Variants in EPB41 observed in about 807,000 individuals in gnomAD.
EPB41 encodes the protein protein 4.1.
A neutral mutation model predicts 108.0 loss-of-function variants in EPB41; 65 were observed. The observed-to-expected ratio is 0.60, with a 90% CI of 0.49 to 0.74. EPB41 has a LOEUF of 0.74. Among genes scored for constraint, EPB41 ranks in the 30% least tolerant of loss-of-function variants. The pLI is 0.00. For synonymous variants in EPB41, 336 were observed against 358.9 expected (o/e 0.94, Z 0.72); for missense variants, 875 against 1,037.0 (o/e 0.84, Z 2.15).
intron 11 of EPB41, among the ~76,000 whole-genome samples, chr1:29,043,598 A>G (rs1245715803): frequency 6.6e-6 from 1 of 152,196 alleles, no homozygotes; most frequent in Non-Finnish European, 1.5e-5. Flanking sequence ...GATTCCAGAA[A>G]ATGAAGGGGC....
intron 1 of EPB41, among the ~76,000 whole-genome samples, chr1:28,979,290 A>G (rs891638030): frequency 6.6e-6 from 1 of 151,640 alleles, no homozygotes; most frequent in Non-Finnish European, 1.5e-5. Flanking sequence ...AATGGACCAC[A>G]TATACTTACA....
chr1:29,060,930 C>T (rs1258345952), intron 15 of EPB41, among the ~76,000 whole-genome samples: 1 of 151,844 alleles, frequency 6.6e-6, no homozygotes, highest in African/African-American at 2.4e-5. Context: ...AGAAAAATGA[C>T]AGAAGAACTG....
At chr1:28,954,053 G>C (rs1393741299) in intron 1 of EPB41, among the ~76,000 whole-genome samples, 1 of 152,230 alleles carries the variant, frequency 6.6e-6, no homozygotes, top group East Asian at 1.9e-4. Flanking sequence ...ATGCCAGTCA[G>C]AGGCCTCTGC....
Position 29,035,915 on chromosome 1 carries a change from G to A in EPB41, c.1455G>A (p.Thr485=), listed in dbSNP as rs1181412678. ...GGAAAGTCTGTGTAGAACATCACAC[G>A]TTTTTCAGGTATTATTCTCACTTAA... ...KLWKVCVEHH[T]FFRLTSTDTI... The change falls in exon 10 of 21, where the codon ACG becomes ACA. Residue 485 remains threonine, a synonymous_variant. Transcript: ENST00000343067. The A allele has an allele frequency of 8.1e-6, 13 of 1,607,566 alleles. No homozygotes were observed. Among genetic ancestry groups the A allele is most frequent in the South Asian group, 1.1e-5 (1 of 90,938 alleles).
intron 1 of EPB41, chr1:28,893,928 G>GC (rs2090397095): frequency 1.3e-5 from 2 of 152,366 alleles, no homozygotes; most frequent in South Asian, 2.1e-4. Flanking sequence ...GTAAAGAGAG[G>GC]CCCGGGGGTA....
At chr1:28,959,487 G>T (rs1321782610) in intron 1 of EPB41, among the ~76,000 whole-genome samples, 1 of 152,024 alleles carries the variant, frequency 6.6e-6, no homozygotes, top group Non-Finnish European at 1.5e-5. Flanking sequence ...AAAATACTGG[G>T]ATTACAGGCA....
chr1:28,995,632 C>G (rs1439938207), intron 3 of EPB41, among the ~76,000 whole-genome samples: 1 of 152,146 alleles, frequency 6.6e-6, no homozygotes, highest in East Asian at 1.9e-4. Flanking sequence ...ACATATTCTG[C>G]ATATTTTATA....
chr1:28,922,909 G>A (rs886325819), intron 1 of EPB41, among the ~76,000 whole-genome samples: 1 of 151,512 alleles, frequency 6.6e-6, no homozygotes, highest in Non-Finnish European at 1.5e-5. Context: ...TTACAGGTGT[G>A]AGCCATTGTG....
intron 11 of EPB41, among the ~76,000 whole-genome samples, chr1:29,047,619 G>C (rs1019389808): frequency 6.6e-6 from 1 of 151,810 alleles, no homozygotes; most frequent in Non-Finnish European, 1.5e-5. Flanking sequence ...ATAAAGCTGG[G>C]TATCTTTTCA....
chr1:29,008,033 C>A (rs2096436851), intron 4 of EPB41, among the ~76,000 whole-genome samples: 1 of 152,120 alleles, frequency 6.6e-6, no homozygotes, highest in South Asian at 2.1e-4. Context: ...AAATATATTA[C>A]AATTTATTCA....
In EPB41 at chr1:28,907,830, A is replaced by T. The variant is rs1379975643; in HGVS notation, c.-8+20620A>T. Among the ~76,000 whole-genome samples, 5 of 123,536 alleles carry T rather than the reference A, an allele frequency of 4.0e-5. No homozygotes were observed. The East Asian group carries it at 2.4e-3, about 60-fold the overall frequency. 81.0% of individuals were successfully genotyped at this position (123,536 alleles called of 152,430 possible). Reference sequence around the variant, plus strand: ...CTAGTGCCAGATTGGCTGATTTTTTAAAAATTTTAATTTTTTTTTTGTAGA... The same window carrying T: ...CTAGTGCCAGATTGGCTGATTTTTTTAAAATTTTAATTTTTTTTTTGTAGA... On this transcript the variant is annotated intron_variant, in intron 1 of 16. Transcript: ENST00000347529.
intron 1 of EPB41, among the ~76,000 whole-genome samples, chr1:28,939,175 T>C (rs185220459): frequency 1.3e-5 from 2 of 152,274 alleles, no homozygotes; most frequent in East Asian, 3.9e-4. Flanking sequence ...TTCCTTTCTA[T>C]TACTAGTTTG....
chr1:29,106,347 A>G (rs1362093908), intron 17 of EPB41, among the ~76,000 whole-genome samples: 1 of 152,212 alleles, frequency 6.6e-6, no homozygotes, highest in Non-Finnish European at 1.5e-5. Flanking sequence ...AATTCATGTT[A>G]TAACAATTTA....
intron 12 of EPB41, 43 bp from the exon 13 acceptor site, chr1:29,058,543 CCTA>C (rs1042441528): frequency 7.1e-6 from 11 of 1,547,902 alleles, no homozygotes; most frequent in Non-Finnish European, 9.8e-6. Flanking sequence ...TTCATAGAAA[CCTA>C]CTAACCTAAA....
chr1:29,004,784 A>G (rs1407080907), intron 4 of EPB41, among the ~76,000 whole-genome samples: 2 of 152,216 alleles, frequency 1.3e-5, no homozygotes, highest in South Asian at 2.1e-4. Flanking sequence ...TAGAGTTTCT[A>G]TAACATAACT....
intron 7 of EPB41, among the ~76,000 whole-genome samples, chr1:29,029,041 CAAAA>C (rs34636821): frequency 8.1e-6 from 1 of 123,682 alleles, no homozygotes. Context: ...GACCCTGTCT[CAAAA>C]AAAAAAAAAA....
intron 1 of EPB41, among the ~76,000 whole-genome samples, chr1:28,965,157 G>C (rs923974779): frequency 2.6e-5 from 4 of 152,010 alleles, no homozygotes; most frequent in African/African-American, 9.7e-5. Flanking sequence ...GGGGTTTTTT[G>C]AATTAGTGAA....
intron 1 of EPB41, among the ~76,000 whole-genome samples, chr1:28,927,097 A>G (rs867717764): frequency 6.6e-6 from 1 of 152,202 alleles, no homozygotes. Context: ...GTTGAAAAAC[A>G]GGAAGGGGTT....
intron 1 of EPB41, among the ~76,000 whole-genome samples, chr1:28,902,546 G>A (rs1295584399): frequency 6.6e-6 from 1 of 152,126 alleles, no homozygotes; most frequent in Non-Finnish European, 1.5e-5. Context: ...GACCAAGACA[G>A]AGGTGCCCAA....
Sources: allele counts gnomAD v4.1 joint callset (sites outside exome capture counted in the v4.1 genomes callset), GRCh38; gene constraint gnomAD v4.1.1; transcripts MANE v1.5; gene names NCBI Gene and HGNC (gene_info 2026-07-23, HGNC 2026-07-21).